ZDHHC17: variants seen among roughly 807,000 people sequenced by gnomAD.
ZDHHC17 encodes the protein zDHHC palmitoyltransferase 17, also known as palmitoyltransferase ZDHHC17.
Under a neutral mutation model 90.3 loss-of-function variants are expected in ZDHHC17, and 40 were observed. The observed-to-expected ratio is 0.44, with a 90% CI of 0.34 to 0.58. The LOEUF (loss-of-function observed/expected upper bound fraction) is 0.58, where lower values mean the gene tolerates loss of function less well. Ranked by LOEUF, ZDHHC17 falls within the 20% of genes least tolerant of loss-of-function variation. ZDHHC17 has a pLI of 0.01. For synonymous variants in ZDHHC17, 235 were observed against 252.4 expected, an observed-to-expected ratio of 0.93 and a Z score of 0.65; for missense variants, 614 against 780.8, an observed-to-expected ratio of 0.79 and a Z score of 2.55.
At chr12:76,815,101 A>G in intron 5 of ZDHHC17, 45 bp from the exon 6 acceptor site, 1 of 1,441,278 alleles carries the variant, frequency 6.9e-7, no homozygotes, top group Non-Finnish European at 9.4e-7. Context: ...TTGGTTAGGA[A>G]CTTATAATTT....
At chr12:76,849,285 T>G in intron 15 of ZDHHC17, 91 bp from the exon 16 acceptor site, 1 of 653,644 alleles carries the variant, frequency 1.5e-6, no homozygotes, top group Non-Finnish European at 2.4e-6. Context: ...GAATTCGCCA[T>G]TGCATTTTAG....
intron 1 of ZDHHC17, among the ~76,000 whole-genome samples, chr12:76,782,851 G>T (rs558482089): frequency 6.6e-6 from 1 of 152,124 alleles, no homozygotes; most frequent in East Asian, 1.9e-4. Flanking sequence ...AGCAGAATGA[G>T]GGGTAGTCAG....
intron 1 of ZDHHC17, among the ~76,000 whole-genome samples, chr12:76,794,771 G>A (rs758325475): frequency 1.3e-5 from 2 of 152,202 alleles, no homozygotes; most frequent in African/African-American, 4.8e-5. Context: ...TAATCATTAT[G>A]TACAGTAAAT....
In ZDHHC17 at chr12:76,764,206, G is replaced by T. The variant is rs764845543; in HGVS notation, c.-31G>T. ...CGCGCTCGCCCTCCGCCTCGCCCGA[G>T]CCCCGGGAGGGTGAAACGCTTTCTC... On this transcript the variant is annotated 5_prime_UTR_variant, in exon 1 of 17. Transcript: ENST00000426126. 5.9e-6 allele frequency: 9 copies of T among 1,527,382 alleles called. No individual in the cohort carries two copies. The East Asian group carries it at 1.3e-4, about 21-fold the overall frequency. 94.6% of individuals were successfully genotyped at this position (1,527,382 alleles called of 1,614,324 possible). A position where few individuals can be genotyped will look rare whatever the true frequency, so the allele number is the denominator to read the frequency against.
At chr12:76,837,354 G>C (rs1378867285) in intron 10 of ZDHHC17, among the ~76,000 whole-genome samples, 1 of 152,120 alleles carries the variant, frequency 6.6e-6, no homozygotes, top group South Asian at 2.1e-4. Flanking sequence ...AATTAGCCGG[G>C]TGTGGTGGTG....
chr12:76,785,173 T>A (rs748908314), intron 1 of ZDHHC17, among the ~76,000 whole-genome samples: 1 of 152,188 alleles, frequency 6.6e-6, no homozygotes, highest in Non-Finnish European at 1.5e-5. Flanking sequence ...AAAACATCTT[T>A]AAAGGGCACC....
At chr12:76,775,505 T>C (rs1160540269) in intron 1 of ZDHHC17, among the ~76,000 whole-genome samples, 1 of 152,050 alleles carries the variant, frequency 6.6e-6, no homozygotes, top group African/African-American at 2.4e-5. Context: ...GCCTAAAGAG[T>C]GATATTTTAA....
rs763269507 is a variant in ZDHHC17 at position 76,788,688 on chromosome 12, A to ATTTTTTTT, written c.94-8727_94-8720dup. 4.1e-5 allele frequency among the ~76,000 whole-genome samples: 4 copies of ATTTTTTTT among 98,648 alleles called. 1 individual carries two copies. Among genetic ancestry groups the ATTTTTTTT allele is most frequent in the Non-Finnish European group, 7.6e-5 (4 of 52,650 alleles). The allele number at this position is 98,648 out of a possible 152,430, so 64.7% of individuals were successfully genotyped here. On this transcript the variant is annotated intron_variant, in intron 1 of 16. Transcript: ENST00000426126. Reference sequence around the variant, plus strand: ...AAAATATATTTAAGTTGGAATCGCAATTTTTTTTTTTTTTTTTTTTTTTTT... The same window carrying ATTTTTTTT: ...AAAATATATTTAAGTTGGAATCGCAATTTTTTTTTTTTTTTTTTTTTTTTTTTTTTTTT...
intron 3 of ZDHHC17, 30 bp downstream of exon 3, chr12:76,805,469 G>GA (rs1266293204): frequency 7.0e-7 from 1 of 1,420,514 alleles, no homozygotes; most frequent in Non-Finnish European, 9.4e-7. Context: ...TTAATTATTA[G>GA]AACTTGACTT....
chr12:76,828,577 C>A, intron 10 of ZDHHC17, 87 bp downstream of exon 10: 10 of 1,111,906 alleles, frequency 9.0e-6, no homozygotes. Flanking sequence ...TAGGACTGAT[C>A]TACTCATTCA....
chr12:76,816,992 A>G (rs1953096350), intron 7 of ZDHHC17, among the ~76,000 whole-genome samples: 1 of 152,046 alleles, frequency 6.6e-6, no homozygotes, highest in Non-Finnish European at 1.5e-5. Flanking sequence ...GCCACTAAAC[A>G]TAGGGAAAGA....
chr12:76,786,337 A>G (rs1448583867), intron 1 of ZDHHC17, among the ~76,000 whole-genome samples: 6 of 152,174 alleles, frequency 3.9e-5, no homozygotes, highest in Non-Finnish European at 7.4e-5. Context: ...GCTGTAGTGC[A>G]GTGGCACGAT....
At chr12:76,781,612 T>C (rs1271549318) in intron 1 of ZDHHC17, 1 of 456,032 alleles carries the variant, frequency 2.2e-6, no homozygotes, top group East Asian at 7.0e-5. Context: ...CCTTCTACCA[T>C]GGGATGATGC....
chr12:76,827,781 G>A (rs117757111), intron 9 of ZDHHC17, among the ~76,000 whole-genome samples: 1,683 of 152,214 alleles, frequency 0.011, 11 homozygotes, highest in Non-Finnish European at 0.017. Flanking sequence ...TATTTCTAGA[G>A]TCTCCAAGGG....
chr12:76,821,074 A>C, intron 7 of ZDHHC17: 2 of 1,289,580 alleles, frequency 1.6e-6, no homozygotes, highest in Non-Finnish European at 2.0e-6. Flanking sequence ...CTTAGGTGTC[A>C]CATGGCCCTC....
chr12:76,807,908 A>G (rs1484767062), intron 3 of ZDHHC17, among the ~76,000 whole-genome samples: 1 of 152,202 alleles, frequency 6.6e-6, no homozygotes, highest in African/African-American at 2.4e-5. Flanking sequence ...TTTCAGCATT[A>G]TATATAATGT....
At chr12:76,768,449 TTG>T (rs1289630094) in intron 1 of ZDHHC17, among the ~76,000 whole-genome samples, 1 of 152,236 alleles carries the variant, frequency 6.6e-6, no homozygotes, top group African/African-American at 2.4e-5. Flanking sequence ...GTACGTAGCA[TTG>T]TGTTAGGTTA....
intron 16 of ZDHHC17, among the ~76,000 whole-genome samples, chr12:76,850,042 C>T (rs543407193): frequency 6.6e-6 from 1 of 152,212 alleles, no homozygotes; most frequent in South Asian, 2.1e-4. Context: ...GCCTCAGCCT[C>T]CTGAGTAGCT....
At position 76,850,932 on chromosome 12, in the gene ZDHHC17, C is replaced by A; in HGVS notation, c.1846C>A (p.Gln616Lys). 2 of 1,613,878 alleles carry A rather than the reference C, an allele frequency of 1.2e-6. No homozygotes were observed. Among genetic ancestry groups the A allele is most frequent in the Non-Finnish European group, 1.7e-6 (2 of 1,179,868 alleles). ...TCCTGTTATCGTGGACTGGACCAGGCAGTATACAATAGAATATGACCAAAT... is the reference window on the plus strand; with the variant it reads ...TCCTGTTATCGTGGACTGGACCAGGAAGTATACAATAGAATATGACCAAAT... ...FRPVIVDWTRQYTIEYDQISG... is the reference protein window; with the variant it reads ...FRPVIVDWTRKYTIEYDQISG... Residue 616 changes from glutamine (Q) to lysine (K), a missense_variant, in exon 17 of 17, where the codon CAG becomes AAG. Gln to Lys is a moderately conservative substitution (Grantham distance 53, BLOSUM62 1). Transcript: ENST00000426126.
Sources: gnomAD v4.1 joint callset for allele counts (sites outside exome capture counted in the v4.1 genomes callset) on GRCh38, gnomAD v4.1.1 for gene constraint, MANE v1.5 for transcripts, NCBI Gene and HGNC (gene_info 2026-07-23, HGNC 2026-07-21) for gene names.